TMTC2: variants seen among roughly 807,000 people sequenced by gnomAD.
TMTC2 encodes transmembrane O-mannosyltransferase targeting cadherins 2.
TMTC2 carries 43 observed loss-of-function variants against 82.4 expected under a neutral mutation model. That is an observed-to-expected ratio of 0.52 (90% CI 0.41 to 0.67). The LOEUF is 0.67. TMTC2 is among the 30% of genes least tolerant of loss of function. The pLI is 0.00. For missense variants in TMTC2, 919 were observed against 1,012.4 expected, an observed-to-expected ratio of 0.91 and a Z score of 1.25; for synonymous variants, 408 against 381.9, an observed-to-expected ratio of 1.07 and a Z score of -0.80.
At chr12:83,051,205 G>T (rs375319425) in intron 10 of TMTC2, among the ~76,000 whole-genome samples, 187 bp downstream of exon 10, 1 of 152,106 alleles carries the variant, frequency 6.6e-6, no homozygotes, top group Non-Finnish European at 1.5e-5. Context: ...GGTGGCCCAC[G>T]GGCCACATGT....
chr12:83,042,856 G>A (rs1043555410), intron 9 of TMTC2, among the ~76,000 whole-genome samples: 7 of 152,120 alleles, frequency 4.6e-5, no homozygotes, highest in African/African-American at 1.7e-4. Context: ...TCCAAATCAG[G>A]ACAAATACTT....
intron 8 of TMTC2, among the ~76,000 whole-genome samples, chr12:82,991,018 T>A (rs1440469845): frequency 6.6e-6 from 1 of 152,164 alleles, no homozygotes. Flanking sequence ...GGCGTGCATC[T>A]CTTCAGTGCC....
intron 1 of TMTC2, among the ~76,000 whole-genome samples, chr12:82,723,609 G>A (rs1874309865): frequency 6.6e-6 from 1 of 152,154 alleles, no homozygotes; most frequent in Non-Finnish European, 1.5e-5. Context: ...TGAATAAACT[G>A]TACCTGCATT....
chr12:82,785,691 G>A (rs546084483), intron 1 of TMTC2, among the ~76,000 whole-genome samples: 33 of 152,064 alleles, frequency 2.2e-4, no homozygotes, highest in African/African-American at 5.5e-4. Context: ...TAATGATATC[G>A]AAGATTAAAA....
At chr12:82,866,735 T>G (rs1183357008) in intron 2 of TMTC2, among the ~76,000 whole-genome samples, 4 of 152,222 alleles carry the variant, frequency 2.6e-5, no homozygotes, top group African/African-American at 9.6e-5. Flanking sequence ...TGTCATTACC[T>G]AGAAGTTCAG....
intron 3 of TMTC2, among the ~76,000 whole-genome samples, chr12:82,915,337 C>T (rs1874941248): frequency 6.6e-6 from 1 of 152,076 alleles, no homozygotes; most frequent in East Asian, 1.9e-4. Flanking sequence ...CAGGGTTTGT[C>T]CCACATTACA....
intron 11 of TMTC2, among the ~76,000 whole-genome samples, chr12:83,097,331 C>T (rs1249509843): frequency 6.6e-6 from 1 of 152,180 alleles, no homozygotes; most frequent in Non-Finnish European, 1.5e-5. Flanking sequence ...CTCACACATG[C>T]AAACACAAAT....
At chr12:82,693,391 C>T (rs1006784231) in intron 1 of TMTC2, among the ~76,000 whole-genome samples, 3 of 152,180 alleles carry the variant, frequency 2.0e-5, no homozygotes, top group African/African-American at 4.8e-5. Context: ...TTCATTCATA[C>T]ATGCAGAAGC....
chr12:82,936,542 A>G (rs1351543528), intron 4 of TMTC2, among the ~76,000 whole-genome samples: 1 of 152,176 alleles, frequency 6.6e-6, no homozygotes, highest in African/African-American at 2.4e-5. Flanking sequence ...AAACACCATT[A>G]TCAGATAGGC....
At chr12:82,990,664 A>G (rs1312969684) in intron 8 of TMTC2, among the ~76,000 whole-genome samples, 1 of 152,014 alleles carries the variant, frequency 6.6e-6, no homozygotes, top group African/African-American at 2.4e-5. Flanking sequence ...TTGACACTAG[A>G]TATGGGGCAG....
intron 1 of TMTC2, among the ~76,000 whole-genome samples, chr12:82,839,493 A>T (rs1244958917): frequency 6.6e-6 from 1 of 152,150 alleles, no homozygotes; most frequent in Non-Finnish European, 1.5e-5. Context: ...GGGTGTAAAG[A>T]GGGCACTTTC....
chr12:82,690,240 C>T (rs1872520376), intron 1 of TMTC2: 1 of 350,264 alleles, frequency 2.9e-6, no homozygotes, highest in Non-Finnish European at 4.0e-6. Flanking sequence ...TCCGCTACTA[C>T]ATTTCAGATG....
intron 2 of TMTC2, among the ~76,000 whole-genome samples, chr12:82,877,159 C>T (rs1872622734): frequency 6.6e-6 from 1 of 151,932 alleles, no homozygotes; most frequent in Non-Finnish European, 1.5e-5. Context: ...TCCATTTTTG[C>T]ATTGATCAAA....
At chr12:82,859,011 C>G (rs1268127858) in intron 2 of TMTC2, among the ~76,000 whole-genome samples, 3 of 151,534 alleles carry the variant, frequency 2.0e-5, no homozygotes, top group African/African-American at 7.3e-5. Flanking sequence ...TTTGAGGATG[C>G]AGGCTTAGTG....
chr12:83,108,529 C>T (rs1055819487), intron 11 of TMTC2, among the ~76,000 whole-genome samples: 2 of 151,888 alleles, frequency 1.3e-5, no homozygotes, highest in Non-Finnish European at 2.9e-5. Context: ...ACTCGGGAGG[C>T]TGAGGCAGGA....
intron 4 of TMTC2, among the ~76,000 whole-genome samples, chr12:82,960,177 G>C (rs1260154041): frequency 2.0e-5 from 3 of 152,058 alleles, no homozygotes; most frequent in African/African-American, 7.2e-5. Context: ...AATAGGTGCT[G>C]GTGAGACAAT....
At chr12:82,784,720 C>A (rs188228372) in intron 1 of TMTC2, among the ~76,000 whole-genome samples, 237 of 152,194 alleles carry the variant, frequency 1.6e-3, no homozygotes, top group African/African-American at 5.6e-3. Context: ...GTTGTCAGAG[C>A]AATTCCATGC....
At chr12:82,930,150 C>G (rs1039360178) in intron 3 of TMTC2, among the ~76,000 whole-genome samples, 1 of 152,030 alleles carries the variant, frequency 6.6e-6, no homozygotes, top group Non-Finnish European at 1.5e-5. Context: ...GAGCATGAAG[C>G]CTTTGTAGGT....
chr12:82,952,634 C>A (rs2137281500), intron 4 of TMTC2, among the ~76,000 whole-genome samples: 1 of 152,296 alleles, frequency 6.6e-6, no homozygotes, highest in Middle Eastern at 3.4e-3. Context: ...CAGCCTCTGA[C>A]TCCTGGGTTC....
Sources: gnomAD v4.1 joint callset for allele counts (sites outside exome capture counted in the v4.1 genomes callset) on GRCh38, gnomAD v4.1.1 for gene constraint, MANE v1.5 for transcripts, NCBI Gene and HGNC (gene_info 2026-07-23, HGNC 2026-07-21) for gene names.